ADGRL4: variants seen among roughly 807,000 people sequenced by gnomAD.
The protein encoded by ADGRL4 is EGF, latrophilin and seven transmembrane domain containing 1.
In ADGRL4, 90 loss-of-function variants were observed where a neutral mutation model predicts 74.8. The ratio of observed to expected loss-of-function variants is 1.20; its 90% CI spans 1.02 to 1.43. ADGRL4 has a LOEUF of 1.43. Among genes scored for constraint, ADGRL4 ranks in the 40% most tolerant of loss-of-function variants. ADGRL4 has a pLI of 0.00. For synonymous variants in ADGRL4, 311 were observed against 279.2 expected, an observed-to-expected ratio of 1.11 and a Z score of -1.14; for missense variants, 881 against 814.3, an observed-to-expected ratio of 1.08 and a Z score of -1.00.
intron 12 of ADGRL4, among the ~76,000 whole-genome samples, chr1:78,895,295 A>G (rs951214600): frequency 6.6e-6 from 1 of 152,180 alleles, no homozygotes; most frequent in Admixed American, 6.6e-5. Flanking sequence ...ACTTATGCTA[A>G]GAATTTTTTT....
intron 12 of ADGRL4, among the ~76,000 whole-genome samples, chr1:78,913,891 A>G (rs1292961126): frequency 6.6e-6 from 1 of 151,918 alleles, no homozygotes; most frequent in Non-Finnish European, 1.5e-5. Flanking sequence ...ATAAACATGG[A>G]GGAGAGTAAA....
chr1:78,907,971 G>A (rs1358282314), intron 12 of ADGRL4, among the ~76,000 whole-genome samples: 1 of 151,898 alleles, frequency 6.6e-6, no homozygotes, highest in Non-Finnish European at 1.5e-5. Flanking sequence ...TATTCCTTGG[G>A]AAGCCCTGAA....
At chr1:78,920,454 A>C in intron 9 of ADGRL4, 68 bp from the exon 10 acceptor site, 1 of 882,858 alleles carries the variant, frequency 1.1e-6, no homozygotes, top group Non-Finnish European at 1.7e-6. Flanking sequence ...ACTACAACAT[A>C]TAATGAACTT....
chr1:78,900,324 C>G (rs1198678639), intron 12 of ADGRL4, among the ~76,000 whole-genome samples: 1 of 152,132 alleles, frequency 6.6e-6, no homozygotes, highest in East Asian at 1.9e-4. Context: ...CCCAGTGAGA[C>G]TCTAAGCAGA....
In ADGRL4 at chr1:78,900,137, T is replaced by C. The variant is rs544467822; in HGVS notation, c.1750-6948A>G. Among the ~76,000 whole-genome samples the C allele has an allele frequency of 2.0e-4, 31 of 152,158 alleles. 1 individual carries two copies. In the East Asian group the frequency reaches 6.0e-3, roughly 29 times the overall value. On this transcript the variant is annotated intron_variant, in intron 12 of 14. Coordinates refer to ENST00000370742, the MANE Select transcript of ADGRL4 (RefSeq NM_022159.4). The stretch of plus-strand genomic sequence containing the variant: ...CTGGCTTTGAAGATGAATGAGATCA[T>C]GAGTCAGGGAAGGTGGGAGGCCTCT...
intron 12 of ADGRL4, among the ~76,000 whole-genome samples, chr1:78,898,646 G>C (rs1570210134): frequency 6.6e-6 from 1 of 151,650 alleles, no homozygotes; most frequent in South Asian, 2.1e-4. Context: ...ATACAGAAGA[G>C]AATAAAAATA....
intron 2 of ADGRL4, among the ~76,000 whole-genome samples, chr1:78,978,817 T>G (rs546613905): frequency 6.6e-6 from 1 of 152,136 alleles, no homozygotes; most frequent in South Asian, 2.1e-4. Flanking sequence ...GTGCAAAGTT[T>G]GGAGGCAGAA....
chr1:78,914,672 T>A (rs1470217317), intron 12 of ADGRL4, among the ~76,000 whole-genome samples: 1 of 151,854 alleles, frequency 6.6e-6, no homozygotes, highest in Non-Finnish European at 1.5e-5. Flanking sequence ...TGCCATAAAT[T>A]TACATGCCAT....
At chr1:78,929,479 G>A (rs1195940851) in intron 7 of ADGRL4, among the ~76,000 whole-genome samples, 1 of 151,424 alleles carries the variant, frequency 6.6e-6, no homozygotes, top group Non-Finnish European at 1.5e-5. Flanking sequence ...TCATGTCACT[G>A]TACTTTAGCC....
intron 2 of ADGRL4, among the ~76,000 whole-genome samples, chr1:78,988,961 A>T (rs980326606): frequency 6.6e-6 from 1 of 151,874 alleles, no homozygotes; most frequent in Non-Finnish European, 1.5e-5. Context: ...TACAAATTTC[A>T]TAATAATAAT....
intron 10 of ADGRL4, 101 bp downstream of exon 10, chr1:78,920,082 C>A: frequency 1.2e-6 from 1 of 835,956 alleles, no homozygotes; most frequent in Non-Finnish European, 1.8e-6. Flanking sequence ...AGAACGTCTG[C>A]CCCATTAAAC....
At chr1:78,920,159 A>G in intron 10 of ADGRL4, 24 bp downstream of exon 10, 1 of 1,567,340 alleles carries the variant, frequency 6.4e-7, no homozygotes, top group Non-Finnish European at 8.7e-7. Context: ...TAGGACAAAA[A>G]TAGAGATTAG....
At chr1:78,976,494 C>A (rs894918745) in intron 2 of ADGRL4, among the ~76,000 whole-genome samples, 3 of 151,540 alleles carry the variant, frequency 2.0e-5, no homozygotes, top group East Asian at 1.9e-4. Context: ...TGAAAAATAA[C>A]CTATATGTCT....
At chr1:78,947,849 A>G in intron 2 of ADGRL4, among the ~76,000 whole-genome samples, 1 of 152,146 alleles carries the variant, frequency 6.6e-6, no homozygotes, top group East Asian at 1.9e-4. Context: ...TTTATTCTTC[A>G]TTTTATTCAA....
intron 2 of ADGRL4, among the ~76,000 whole-genome samples, chr1:78,983,924 C>T (rs1650444969): frequency 6.6e-6 from 1 of 151,826 alleles, no homozygotes; most frequent in South Asian, 2.1e-4. Context: ...TATCTGTAAA[C>T]TCAGATAGCC....
At chr1:78,927,870 G>T (rs759606479) in intron 7 of ADGRL4, among the ~76,000 whole-genome samples, 1 of 151,998 alleles carries the variant, frequency 6.6e-6, no homozygotes, top group African/African-American at 2.4e-5. Flanking sequence ...ATCTAAAAAG[G>T]CACCTCAAGA....
intron 3 of ADGRL4, among the ~76,000 whole-genome samples, chr1:78,942,953 A>T (rs1649518503): frequency 6.6e-6 from 1 of 152,088 alleles, no homozygotes. Flanking sequence ...TAATAATGAT[A>T]ATAATAATGT....
At chr1:78,968,325 G>A (rs754946271) in intron 2 of ADGRL4, among the ~76,000 whole-genome samples, 11 of 152,010 alleles carry the variant, frequency 7.2e-5, no homozygotes, top group Non-Finnish European at 1.5e-4. Context: ...GTTTGCATAA[G>A]CTGCAGTAAT....
At chr1:79,005,516 T>C (rs952206263) in intron 1 of ADGRL4, among the ~76,000 whole-genome samples, 4 of 152,160 alleles carry the variant, frequency 2.6e-5, no homozygotes, top group African/African-American at 9.7e-5. Context: ...CCCAGATCAG[T>C]ATAGCATGTT....
Sources: allele counts gnomAD v4.1 joint callset (sites outside exome capture counted in the v4.1 genomes callset), GRCh38; gene constraint gnomAD v4.1.1; transcripts MANE v1.5; gene names NCBI Gene and HGNC (gene_info 2026-07-23, HGNC 2026-07-21).